CTTNBP2: variants seen among roughly 807,000 people sequenced by gnomAD.
The protein encoded by CTTNBP2 is cortactin-binding protein 2.
In CTTNBP2, 108 loss-of-function variants were observed where a neutral mutation model predicts 156.9. That is an observed-to-expected ratio of 0.69 (90% CI 0.59 to 0.81). The LOEUF is 0.81. Among genes scored for constraint, CTTNBP2 ranks in the 30% least tolerant of loss-of-function variants. The pLI is 0.00. For missense variants in CTTNBP2, 1,924 were observed against 2,035.4 expected, an observed-to-expected ratio of 0.95 and a Z score of 1.05; for synonymous variants, 767 against 751.8, an observed-to-expected ratio of 1.02 and a Z score of -0.33.
intron 2 of CTTNBP2, among the ~76,000 whole-genome samples, chr7:117,831,871 A>G (rs1008528954): frequency 1.3e-5 from 2 of 152,068 alleles, no homozygotes; most frequent in African/African-American, 4.8e-5. Flanking sequence ...CTTAAAGGAA[A>G]CCGTTTCTTT....
At chr7:117,761,154 C>T (rs950549231) in intron 9 of CTTNBP2, among the ~76,000 whole-genome samples, 2 of 152,142 alleles carry the variant, frequency 1.3e-5, no homozygotes, top group Non-Finnish European at 2.9e-5. Context: ...TGGGTTGAAC[C>T]GCAGAGTCAG....
At chr7:117,855,336 C>T (rs776875360) in intron 2 of CTTNBP2, among the ~76,000 whole-genome samples, 6 of 152,296 alleles carry the variant, frequency 3.9e-5, no homozygotes, top group Admixed American at 2.6e-4. Flanking sequence ...TGGTCTTGAA[C>T]GCCTGACCTC....
At chr7:117,848,237 C>T (rs1802721874) in intron 2 of CTTNBP2, among the ~76,000 whole-genome samples, 1 of 152,034 alleles carries the variant, frequency 6.6e-6, no homozygotes, top group African/African-American at 2.4e-5. Flanking sequence ...TCACACAGCC[C>T]CATCTGCTTC....
intron 2 of CTTNBP2, among the ~76,000 whole-genome samples, chr7:117,842,497 C>T (rs1802336601): frequency 6.6e-6 from 1 of 151,862 alleles, no homozygotes; most frequent in Non-Finnish European, 1.5e-5. Flanking sequence ...GCCACTGTGA[C>T]CGGCAAAATA....
At chr7:117,774,335 T>C (rs1797981284) in intron 8 of CTTNBP2, among the ~76,000 whole-genome samples, 1 of 152,184 alleles carries the variant, frequency 6.6e-6, no homozygotes, top group Admixed American at 6.5e-5. Flanking sequence ...AGTTTCTTTA[T>C]CTACAACACA....
At chr7:117,773,700 CACACACA>C (rs1562992513) in intron 8 of CTTNBP2, among the ~76,000 whole-genome samples, 1,788 of 125,606 alleles carry the variant, frequency 0.014, 59 homozygotes, top group African/African-American at 0.047. Context: ...CACACACACA[CACACACA>C]CCCCAAAAAA....
chr7:117,825,458 G>A (rs1212675682), intron 2 of CTTNBP2, among the ~76,000 whole-genome samples: 4 of 152,204 alleles, frequency 2.6e-5, no homozygotes, highest in African/African-American at 7.2e-5. Flanking sequence ...ATACAAGAGG[G>A]TAGGCATTGG....
In CTTNBP2 at chr7:117,711,468, TTGTATCTTGTTGTCCTTGGTTTCTG is replaced by T. The variant is rs528781257; in HGVS notation, c.*44_*68del. The T allele has an allele frequency of 4.6e-4, 673 of 1,472,096 alleles. 2 individuals carry two copies. In the African/African-American group the frequency reaches 8.4e-3, roughly 18 times the overall value. 91.2% of individuals were successfully genotyped at this position (1,472,096 alleles called of 1,614,324 possible). A position where few individuals can be genotyped will look rare whatever the true frequency, so the allele number is the denominator to read the frequency against. On this transcript the variant is annotated 3_prime_UTR_variant, in exon 23 of 23. Transcript: ENST00000160373. Reference sequence around the variant, plus strand: ...AAACATTTTATCAATTTAAAGGTATTTGTATCTTGTTGTCCTTGGTTTCTGTGTGAAATAGAGGAAGTTAATAATG... The same window carrying T: ...AAACATTTTATCAATTTAAAGGTATTTGTGAAATAGAGGAAGTTAATAATG...
chr7:117,835,409 G>A (rs1043102036), intron 2 of CTTNBP2, among the ~76,000 whole-genome samples: 2 of 152,194 alleles, frequency 1.3e-5, no homozygotes, highest in African/African-American at 4.8e-5. Flanking sequence ...CTAACAAGTA[G>A]CCAAGGCTCA....
intron 8 of CTTNBP2, among the ~76,000 whole-genome samples, chr7:117,771,800 C>T (rs989779546): frequency 6.6e-6 from 1 of 152,124 alleles, no homozygotes; most frequent in East Asian, 1.9e-4. Flanking sequence ...CAAACAGTTA[C>T]AATAAAGTAC....
intron 2 of CTTNBP2, among the ~76,000 whole-genome samples, chr7:117,815,426 A>T (rs954539438): frequency 6.6e-6 from 1 of 152,226 alleles, no homozygotes; most frequent in East Asian, 1.9e-4. Flanking sequence ...ATGTATTTTT[A>T]AAATTATTAC....
intron 12 of CTTNBP2, chr7:117,755,327 C>T (rs1173124730): frequency 1.4e-5 from 4 of 277,002 alleles, no homozygotes; most frequent in African/African-American, 4.6e-5. Context: ...TTTCATAAGG[C>T]GTGAAAACAA....
At chr7:117,779,669 GA>G (rs995255169) in intron 7 of CTTNBP2, among the ~76,000 whole-genome samples, 15 of 150,638 alleles carry the variant, frequency 1.0e-4, no homozygotes, top group African/African-American at 2.0e-4. Flanking sequence ...GTTTTTTTAA[GA>G]AAAAAAGCTG....
intron 2 of CTTNBP2, among the ~76,000 whole-genome samples, chr7:117,848,076 C>G (rs964805289): frequency 6.6e-6 from 1 of 151,990 alleles, no homozygotes; most frequent in Non-Finnish European, 1.5e-5. Flanking sequence ...CTCGGCCTCC[C>G]AAAGTGCTGG....
At chr7:117,815,458 T>C (rs1031351263) in intron 2 of CTTNBP2, among the ~76,000 whole-genome samples, 2 of 152,214 alleles carry the variant, frequency 1.3e-5, no homozygotes, top group Non-Finnish European at 2.9e-5. Flanking sequence ...AGAAAGTTAC[T>C]TTTCTATATA....
chr7:117,827,123 C>A (rs1344389056), intron 2 of CTTNBP2, among the ~76,000 whole-genome samples: 1 of 152,064 alleles, frequency 6.6e-6, no homozygotes, highest in Admixed American at 6.6e-5. Context: ...CCTCCCAAAG[C>A]GCTGGGATTA....
At position 117,860,998 on chromosome 7, in the gene CTTNBP2, G is replaced by A. The variant is rs76496200; in HGVS notation, c.189+211C>T. ...TTCCCGTACTAAACAGTTTCGTCTCGGCCCCCAGCATTTCAATGACCATCT... is the reference window on the plus strand; with the variant it reads ...TTCCCGTACTAAACAGTTTCGTCTCAGCCCCCAGCATTTCAATGACCATCT... On this transcript the variant is annotated intron_variant, in intron 2 of 22. Coordinates refer to ENST00000160373, the MANE Select transcript of CTTNBP2 (RefSeq NM_033427.3). Among the ~76,000 whole-genome samples, 1,444 of 152,162 alleles carry A rather than the reference G, an allele frequency of 9.5e-3. 21 individuals are homozygous for A. The highest frequency in any genetic ancestry group is 0.033 in the African/African-American group (1,358 of 41,492).
chr7:117,851,091 T>G (rs1362138563), intron 2 of CTTNBP2, among the ~76,000 whole-genome samples: 1 of 152,136 alleles, frequency 6.6e-6, no homozygotes, highest in Non-Finnish European at 1.5e-5. Context: ...AACTATTTGC[T>G]GTCACCAGTT....
intron 2 of CTTNBP2, among the ~76,000 whole-genome samples, chr7:117,856,549 C>A (rs1803331702): frequency 1.3e-5 from 2 of 152,132 alleles, no homozygotes; most frequent in South Asian, 4.1e-4. Context: ...TAAATGCATT[C>A]TATCTGAAGA....
Sources: gnomAD v4.1 joint callset for allele counts (sites outside exome capture counted in the v4.1 genomes callset) on GRCh38, gnomAD v4.1.1 for gene constraint, MANE v1.5 for transcripts, NCBI Gene and HGNC (gene_info 2026-07-23, HGNC 2026-07-21) for gene names.